PPARGC1A: variants seen among roughly 807,000 people sequenced by gnomAD.
The protein encoded by PPARGC1A is PPARG coactivator 1 alpha, also known as peroxisome proliferator-activated receptor gamma coactivator 1-alpha.
A neutral mutation model predicts 88.7 loss-of-function variants in PPARGC1A; 25 were observed. The ratio of observed to expected loss-of-function variants is 0.28; its 90% CI spans 0.21 to 0.39. The LOEUF is 0.39. PPARGC1A is among the 10% of genes least tolerant of loss of function. The probability of loss-of-function intolerance (pLI) is 1.00; values close to 1 mark genes in which losing one functional copy is unlikely to be tolerated. For synonymous variants in PPARGC1A, 363 were observed against 355.6 expected (o/e 1.02, Z -0.24); for missense variants, 880 against 968.7 (o/e 0.91, Z 1.22).
At chr4:24,261,766 G>A in the PPARGC1A span, among the ~76,000 whole-genome samples, 1 of 151,050 alleles carries the variant, frequency 6.6e-6, no homozygotes, top group Non-Finnish European at 1.5e-5. Context: ...ACTATTAAAG[G>A]GCCCCTTCTT....
the PPARGC1A span, among the ~76,000 whole-genome samples, chr4:24,182,973 T>C: frequency 6.6e-6 from 1 of 152,036 alleles, no homozygotes; most frequent in African/African-American, 2.4e-5. Context: ...TCCATCCCAG[T>C]GTCGGGGGAA....
rs541351291 is a variant in PPARGC1A at position 23,846,220 on chromosome 4, G to A, written c.235-14469C>T. ...CTTGCCACATTGTGGCTCCTATAAC[G>A]ATAGGATGTAGTAACATGGAAACAC... On this transcript the variant is annotated intron_variant, in intron 2 of 12. Transcript: ENST00000264867. 2.3e-4 allele frequency among the ~76,000 whole-genome samples: 35 copies of A among 152,274 alleles called. No individual in the cohort carries two copies. In the South Asian group the frequency reaches 7.0e-3, roughly 31 times the overall value.
the PPARGC1A span, among the ~76,000 whole-genome samples, chr4:24,397,119 A>T: frequency 6.6e-6 from 1 of 152,240 alleles, no homozygotes; most frequent in African/African-American, 2.4e-5. Flanking sequence ...TAAATGGCTA[A>T]TAAATTATAG....
the PPARGC1A span, among the ~76,000 whole-genome samples, chr4:24,177,100 A>C: frequency 3.9e-5 from 6 of 152,302 alleles, no homozygotes; most frequent in African/African-American, 1.4e-4. Flanking sequence ...CATTTGACCC[A>C]GCAATCCCAT....
chr4:24,376,226 C>A, the PPARGC1A span, among the ~76,000 whole-genome samples: 2 of 152,168 alleles, frequency 1.3e-5, no homozygotes, highest in African/African-American at 2.4e-5. Flanking sequence ...GTTCCCACCA[C>A]AGGCAGGACA....
chr4:24,088,092 T>C, the PPARGC1A span, among the ~76,000 whole-genome samples: 1 of 152,178 alleles, frequency 6.6e-6, no homozygotes, highest in Non-Finnish European at 1.5e-5. Context: ...TTCACACCTG[T>C]AATCCCAGCA....
chr4:24,144,086 TG>T, the PPARGC1A span, among the ~76,000 whole-genome samples: 6 of 152,220 alleles, frequency 3.9e-5, no homozygotes, highest in Non-Finnish European at 7.3e-5. Context: ...GAAGGAAGAA[TG>T]ATTTCCCTGT....
the PPARGC1A span, among the ~76,000 whole-genome samples, chr4:24,230,503 C>T: frequency 6.6e-6 from 1 of 152,134 alleles, no homozygotes; most frequent in Non-Finnish European, 1.5e-5. Flanking sequence ...CCTGATGGGG[C>T]AGTGAACACA....
chr4:23,891,541 CA>C (rs1336198587), upstream of PPARGC1A, among the ~76,000 whole-genome samples: 2 of 152,076 alleles, frequency 1.3e-5, no homozygotes, highest in African/African-American at 4.8e-5. Flanking sequence ...ACAAAAGAAA[CA>C]AAATACCAGC....
At chr4:23,903,767 ACT>A (rs1202356830), upstream of PPARGC1A, among the ~76,000 whole-genome samples, 1 of 152,094 alleles carries the variant, frequency 6.6e-6, no homozygotes, top group Non-Finnish European at 1.5e-5. Flanking sequence ...CATTTTATTC[ACT>A]CTACAACAAA....
At chr4:24,292,583 C>T in the PPARGC1A span, among the ~76,000 whole-genome samples, 1 of 102,288 alleles carries the variant, frequency 9.8e-6, no homozygotes, top group Non-Finnish European at 2.0e-5. Context: ...CCCACCCCTT[C>T]CTGTGCTCAT....
At chr4:23,938,325 T>G in the PPARGC1A span, among the ~76,000 whole-genome samples, 2 of 152,180 alleles carry the variant, frequency 1.3e-5, no homozygotes, top group Non-Finnish European at 2.9e-5. Flanking sequence ...ACTTCCTCAT[T>G]TAGAAGTAAA....
the PPARGC1A span, among the ~76,000 whole-genome samples, chr4:24,159,165 C>T: frequency 6.6e-6 from 1 of 150,692 alleles, no homozygotes; most frequent in African/African-American, 2.4e-5. Flanking sequence ...TAATATCAGA[C>T]CTATTTTATA....
chr4:24,340,426 T>C, the PPARGC1A span, among the ~76,000 whole-genome samples: 2 of 152,240 alleles, frequency 1.3e-5, no homozygotes, highest in Non-Finnish European at 2.9e-5. Context: ...TACATCCTTT[T>C]TGTGGTTAAA....
intron 2 of PPARGC1A, chr4:23,881,372 C>T (rs1715901054): frequency 6.6e-6 from 1 of 152,176 alleles, no homozygotes; most frequent in South Asian, 2.1e-4. Flanking sequence ...TGTCCAGTTA[C>T]TCAACCAACA....
At chr4:23,858,212 A>G (rs1330697429) in intron 2 of PPARGC1A, among the ~76,000 whole-genome samples, 2 of 152,108 alleles carry the variant, frequency 1.3e-5, no homozygotes, top group African/African-American at 4.8e-5. Flanking sequence ...GGCACTATAC[A>G]GGACATTTTC....
At chr4:24,134,645 C>T in the PPARGC1A span, among the ~76,000 whole-genome samples, 1 of 152,192 alleles carries the variant, frequency 6.6e-6, no homozygotes, top group East Asian at 1.9e-4. Context: ...CTAAATTTAA[C>T]ACAGGGAGGG....
At chr4:23,989,525 A>G in the PPARGC1A span, among the ~76,000 whole-genome samples, 1 of 152,052 alleles carries the variant, frequency 6.6e-6, no homozygotes, top group Non-Finnish European at 1.5e-5. Context: ...AAACACTATT[A>G]TATATATTTT....
chr4:24,231,737 CTTT>C, the PPARGC1A span, among the ~76,000 whole-genome samples: 1 of 149,324 alleles, frequency 6.7e-6, no homozygotes, highest in African/African-American at 2.5e-5. Flanking sequence ...GGGATATGTG[CTTT>C]TTTTTTTCTT....
Sources: gnomAD v4.1 joint callset for allele counts (sites outside exome capture counted in the v4.1 genomes callset) on GRCh38, gnomAD v4.1.1 for gene constraint, MANE v1.5 for transcripts, NCBI Gene and HGNC (gene_info 2026-07-23, HGNC 2026-07-21) for gene names.